Variants in IHO1 observed in about 807,000 individuals in gnomAD.
The protein encoded by IHO1 is interactor of HORMAD1 protein 1.
In IHO1, 13 loss-of-function variants were observed where a neutral mutation model predicts 31.0. The observed-to-expected ratio is 0.42, with a 90% CI of 0.27 to 0.67. The LOEUF is 0.67. Ranked by LOEUF, IHO1 falls within the 30% of genes least tolerant of loss-of-function variation. The pLI, the probability that IHO1 is intolerant of heterozygous loss-of-function variation, is 0.24. For synonymous variants in IHO1, 221 were observed against 248.4 expected (o/e 0.89, Z 1.04); for missense variants, 599 against 687.5 (o/e 0.87, Z 1.44).
At chr3:49,193,889 G>A (rs1255056360), upstream of IHO1, among the ~76,000 whole-genome samples, 1 of 151,304 alleles carries the variant, frequency 6.6e-6, no homozygotes, top group African/African-American at 2.4e-5. Context: ...TTGAACCCGG[G>A]AGGCAGAGGT....
rs2046838096 is a variant in IHO1, at chr3:49,257,282, A to T, written c.1785A>T (p.Ter595CysextTer5). ...ATAGCAGTGATGATGATGGCTTCTG[A>T]CCAGTCCACAGTTGATTTATTGGTC... ...GFDSSDDDGF* is the reference protein window; with the variant it reads ...GFDSSDDDGFC Residue 595 changes from the stop codon to cysteine, a stop_lost, in exon 8 of 8, where the codon TGA becomes TGT. Transcript: ENST00000452691. 1.2e-6 allele frequency: 2 copies of T among 1,612,568 alleles called. No homozygotes were observed. The highest frequency in any genetic ancestry group is 2.7e-5 in the African/African-American group (2 of 74,908).
rs2046627289 is a variant in IHO1 at position 49,241,272 on chromosome 3, T to G, written c.278T>G (p.Phe93Cys). ...AAGTACCAGACAAAGCCCCAGCTGT[T>G]CGGAGGAGATATAAAAGATGGAGGT... ...FTKYQTKPQL[F>C]GGDIKDGGLF... The change falls in exon 4 of 8, where the codon TTC (phenylalanine) becomes TGC (cysteine). Residue 93 changes from phenylalanine to cysteine, a missense_variant. By Grantham distance (205) the Phe-to-Cys change is radical (BLOSUM62 -2). Transcript: ENST00000452691. 2 of 1,613,948 alleles carry G rather than the reference T, an allele frequency of 1.2e-6. No individual in the cohort carries two copies. The highest frequency in any genetic ancestry group is 1.7e-6 in the Non-Finnish European group (2 of 1,179,936).
rs370341020 is a variant in IHO1, at chr3:49,239,818, C to T, written c.232-1408C>T. Among the ~76,000 whole-genome samples the T allele has an allele frequency of 5.9e-5, 9 of 151,626 alleles. No individual in the cohort carries two copies. The East Asian group carries it at 1.2e-3, about 20-fold the overall frequency. ...GCTGGGATTACAGGCATGCGCACCA[C>T]GCCTGGCTAATTTTGTATTTTTAGT... On this transcript the variant is annotated intron_variant, in intron 3 of 7. Transcript: ENST00000452691.
At chr3:49,193,655 CAAA>C (rs71077770), upstream of IHO1, among the ~76,000 whole-genome samples, 1 of 24,998 alleles carries the variant, frequency 4.0e-5, no homozygotes, top group South Asian at 2.4e-3. Flanking sequence ...GAGACTCTAC[CAAA>C]AAAAAAAAAA....
chr3:49,211,884 C>G (rs150910340), intron 2 of IHO1, 48 bp downstream of exon 2: 1 of 1,109,470 alleles, frequency 9.0e-7, no homozygotes, highest in Non-Finnish European at 1.4e-6. Flanking sequence ...ATTTTCTGGC[C>G]GGGCATGATG....
intron 4 of IHO1, among the ~76,000 whole-genome samples, chr3:49,241,694 C>T (rs2046633972): frequency 1.3e-5 from 2 of 151,952 alleles, no homozygotes; most frequent in Non-Finnish European, 2.9e-5. Flanking sequence ...AATCTTGGCT[C>T]ACTGCAACCT....
At chr3:49,211,691 TATA>T in intron 1 of IHO1, 72 bp from the exon 2 acceptor site, 1 of 645,438 alleles carries the variant, frequency 1.5e-6, no homozygotes, top group Non-Finnish European at 2.8e-6. Context: ...TTCGTGTACA[TATA>T]ATAGTCACTA....
At chr3:49,218,664 G>C (rs2046317558) in intron 2 of IHO1, among the ~76,000 whole-genome samples, 1 of 152,138 alleles carries the variant, frequency 6.6e-6, no homozygotes, top group Non-Finnish European at 1.5e-5. Context: ...ATAGACGTGA[G>C]CCACTGCTCT....
At chr3:49,205,027 C>CA (rs1001881046) in intron 1 of IHO1, among the ~76,000 whole-genome samples, 320 of 134,868 alleles carry the variant, frequency 2.4e-3, no homozygotes, top group East Asian at 4.0e-3. Context: ...GACTCCATCT[C>CA]AAAAAAAAAA....
intron 4 of IHO1, among the ~76,000 whole-genome samples, chr3:49,243,730 C>A (rs1198886961): frequency 1.4e-5 from 2 of 140,666 alleles, no homozygotes; most frequent in Non-Finnish European, 3.0e-5. Flanking sequence ...TGCACTCCAG[C>A]CTGGGTGACG....
chr3:49,250,486 A>G (rs2046747650), intron 6 of IHO1, among the ~76,000 whole-genome samples: 1 of 152,166 alleles, frequency 6.6e-6, no homozygotes, highest in Admixed American at 6.6e-5. Context: ...TGCCTTTCTC[A>G]TGCTCTGCTT....
intron 2 of IHO1, among the ~76,000 whole-genome samples, chr3:49,220,242 G>T (rs941079278): frequency 6.6e-6 from 1 of 152,168 alleles, no homozygotes; most frequent in African/African-American, 2.4e-5. Flanking sequence ...TGAGGGTCCC[G>T]TCCCGGGCCC....
intron 2 of IHO1, among the ~76,000 whole-genome samples, chr3:49,221,054 A>G (rs983235704): frequency 6.6e-6 from 1 of 152,164 alleles, no homozygotes; most frequent in Non-Finnish European, 1.5e-5. Flanking sequence ...TGATTGGCCC[A>G]TTTTACAGAG....
At chr3:49,246,958 C>T (rs1388564024) in intron 6 of IHO1, among the ~76,000 whole-genome samples, 2 of 151,556 alleles carry the variant, frequency 1.3e-5, no homozygotes, top group South Asian at 2.1e-4. Context: ...AAGCGATTCT[C>T]CTGCCTCAGT....
intron 3 of IHO1, among the ~76,000 whole-genome samples, chr3:49,237,442 T>A (rs929062960): frequency 2.0e-5 from 3 of 152,218 alleles, no homozygotes; most frequent in Non-Finnish European, 4.4e-5. Context: ...TTTAGAATTG[T>A]ACATCTGTAA....
chr3:49,201,307 T>G (rs1450917521), intron 1 of IHO1, among the ~76,000 whole-genome samples: 2 of 151,616 alleles, frequency 1.3e-5, no homozygotes, highest in Non-Finnish European at 2.9e-5. Flanking sequence ...ACCACAATTT[T>G]TAAAAATTGG....
chr3:49,198,446 A>C (rs1170816853), upstream of IHO1: 1 of 152,120 alleles, frequency 6.6e-6, no homozygotes, highest in Non-Finnish European at 1.5e-5. Context: ...TTCATCTCCA[A>C]AGTCCTCTAA....
Position 49,257,388 on chromosome 3 carries a change from A to G in IHO1, c.*106A>G. Reference sequence around the variant, plus strand: ...TGAAGCCTGCCAAGTACCCAGGGTCAGAGGCCCTGCTGAGGTGGGGCAATG... The same window carrying G: ...TGAAGCCTGCCAAGTACCCAGGGTCGGAGGCCCTGCTGAGGTGGGGCAATG... On this transcript the variant is annotated 3_prime_UTR_variant, in exon 8 of 8. Coordinates refer to ENST00000452691, the MANE Select transcript of IHO1 (RefSeq NM_001135197.2). The G allele has an allele frequency of 8.6e-7, 1 of 1,157,324 alleles. No homozygotes were observed. The highest frequency in any genetic ancestry group is 1.2e-6 in the Non-Finnish European group (1 of 805,376). The allele number at this position is 1,157,324 out of a possible 1,614,324, so 71.7% of individuals were successfully genotyped here.
intron 2 of IHO1, among the ~76,000 whole-genome samples, chr3:49,221,751 C>T (rs1410765378): frequency 6.6e-6 from 1 of 152,140 alleles, no homozygotes; most frequent in Non-Finnish European, 1.5e-5. Flanking sequence ...GGCCTCGATA[C>T]TAGAGGAAAC....
Sources: gnomAD v4.1 joint callset for allele counts (sites outside exome capture counted in the v4.1 genomes callset) on GRCh38, gnomAD v4.1.1 for gene constraint, MANE v1.5 for transcripts, NCBI Gene and HGNC (gene_info 2026-07-23, HGNC 2026-07-21) for gene names.